Variants in PCDHGA9 observed in about 807,000 individuals in gnomAD.
PCDHGA9 encodes the protein protocadherin gamma-A9.
Under a neutral mutation model 62.5 loss-of-function variants are expected in PCDHGA9, and 37 were observed. The ratio of observed to expected loss-of-function variants is 0.59; its 90% CI spans 0.46 to 0.78. PCDHGA9 has a LOEUF of 0.78. PCDHGA9 is among the 30% of genes least tolerant of loss of function. The pLI, the probability that PCDHGA9 is intolerant of heterozygous loss-of-function variation, is 0.00. For missense variants in PCDHGA9, 1,138 were observed against 1,166.2 expected, an observed-to-expected ratio of 0.98 and a Z score of 0.35; for synonymous variants, 459 against 484.6, an observed-to-expected ratio of 0.95 and a Z score of 0.69.
In PCDHGA9 at chr5:141,432,785, G is replaced by A. The variant is rs1356593437; in HGVS notation, c.2424+27409G>A. 2.5e-6 allele frequency: 4 copies of A among 1,613,992 alleles called. No individual in the cohort carries two copies. The African/African-American group carries it at 4.0e-5, about 16-fold the overall frequency. On this transcript the variant is annotated intron_variant, in intron 1 of 3. Transcript: ENST00000573521. The surrounding 1 kb of genome is among the most constrained non-coding windows in gnomAD (Gnocchi z 6.0). ...CATCCCCCAAGTCCTGGCGGACCTC[G>A]GCAGCCTCGAGTCTCCAGCTAACTC...
intron 1 of PCDHGA9, chr5:141,433,288 G>A (rs2097582001): frequency 5.3e-6 from 6 of 1,136,424 alleles, no homozygotes; most frequent in Non-Finnish European, 7.5e-6. Flanking sequence ...CAAACTCCTA[G>A]GCTCAAGCAA....
rs1232672788 is a variant in PCDHGA9, at chr5:141,431,315, G to A, written c.2424+25939G>A. The A allele has an allele frequency of 6.2e-7, 1 of 1,614,080 alleles. No individual in the cohort carries two copies. Among genetic ancestry groups the A allele is most frequent in the South Asian group, 1.1e-5 (1 of 91,078 alleles). On this transcript the variant is annotated intron_variant, in intron 1 of 3. Coordinates refer to ENST00000573521, the MANE Select transcript of PCDHGA9 (RefSeq NM_018921.3). The surrounding 1 kb of genome is among the most constrained non-coding windows in gnomAD (Gnocchi z 4.8). ...CTTCTCCCTCATCGTGCAAAATGGAGCCGACGGTAGTAAGTACCCCGAATT... is the reference window on the plus strand; with the variant it reads ...CTTCTCCCTCATCGTGCAAAATGGAACCGACGGTAGTAAGTACCCCGAATT...
rs145025535 is a variant in PCDHGA9 at position 141,457,569 on chromosome 5, T to A, written c.2425-37238T>A. 2.5e-3 allele frequency among the ~76,000 whole-genome samples: 376 copies of A among 152,304 alleles called. 1 individual carries two copies. Among genetic ancestry groups the A allele is most frequent in the African/African-American group, 8.6e-3 (357 of 41,554 alleles). On this transcript the variant is annotated intron_variant, in intron 1 of 3. Transcript: ENST00000573521. Reference sequence around the variant, plus strand: ...TGTATGATAAGCTTTGGAGCAAAATTTTTCTCTCCAGTCCTCATTTTTGGT... The same window carrying A: ...TGTATGATAAGCTTTGGAGCAAAATATTTCTCTCCAGTCCTCATTTTTGGT...
In PCDHGA9 at chr5:141,476,240, G is replaced by A. The variant is rs762604058; in HGVS notation, c.2425-18567G>A. On this transcript the variant is annotated intron_variant, in intron 1 of 3. Coordinates refer to ENST00000573521, the MANE Select transcript of PCDHGA9 (RefSeq NM_018921.3). This position sits in a 1 kb window ranked among gnomAD's most constrained non-coding sequence, Gnocchi z 7.6. ...TCACTATGAGATCCCGGAGGAAAGAGAGAAGGGTTTCGCTGTGGGCAACGT... is the reference window on the plus strand; with the variant it reads ...TCACTATGAGATCCCGGAGGAAAGAAAGAAGGGTTTCGCTGTGGGCAACGT... The A allele has an allele frequency of 4.3e-6, 7 of 1,613,986 alleles. No individual in the cohort carries two copies. The highest frequency in any genetic ancestry group is 1.7e-6 in the Non-Finnish European group (2 of 1,180,030).
chr5:141,420,099 C>T (rs750814136), intron 1 of PCDHGA9: 4 of 1,613,996 alleles, frequency 2.5e-6, no homozygotes, highest in South Asian at 2.2e-5. Flanking sequence ...AGTGAGGGAA[C>T]GTTGCCCTAT....
Position 141,491,478 on chromosome 5 carries a change from C to A in PCDHGA9, c.2425-3329C>A. ...CCCCGGACTTCTATAAGCAGTCCAG[C>A]CCCAACCTGCAGGTGAGCTCGGACG... On this transcript the variant is annotated intron_variant, in intron 1 of 3. Coordinates refer to ENST00000573521, the MANE Select transcript of PCDHGA9 (RefSeq NM_018921.3). The surrounding 1 kb of genome is among the most constrained non-coding windows in gnomAD (Gnocchi z 6.9). 6.2e-7 allele frequency: 1 copy of A among 1,614,068 alleles called. No individual in the cohort carries two copies. Among genetic ancestry groups the A allele is most frequent in the Non-Finnish European group, 8.5e-7 (1 of 1,180,004 alleles).
intron 1 of PCDHGA9, among the ~76,000 whole-genome samples, chr5:141,457,415 C>T (rs185690067): frequency 3.9e-4 from 60 of 152,300 alleles, no homozygotes; most frequent in African/African-American, 1.3e-3. Flanking sequence ...CATTACCCAT[C>T]CCTTTTTCCC....
intron 1 of PCDHGA9, chr5:141,440,652 C>T (rs755275974): frequency 6.6e-6 from 1 of 152,160 alleles, no homozygotes; most frequent in Non-Finnish European, 1.5e-5. Flanking sequence ...AAAATTATCA[C>T]CTTAGCAGCA....
chr5:141,409,706 T>A, intron 1 of PCDHGA9: 1 of 1,613,210 alleles, frequency 6.2e-7, no homozygotes, highest in Non-Finnish European at 8.5e-7. Context: ...CCTGGCGGTG[T>A]CGTCATACGT....
chr5:141,504,496 G>C (rs2099838771), intron 2 of PCDHGA9, among the ~76,000 whole-genome samples: 1 of 152,100 alleles, frequency 6.6e-6, no homozygotes, highest in Non-Finnish European at 1.5e-5. Flanking sequence ...CACCTGCCCA[G>C]TCTGAGTGGA....
chr5:141,461,961 T>C (rs914134151), intron 1 of PCDHGA9, among the ~76,000 whole-genome samples: 3 of 152,192 alleles, frequency 2.0e-5, no homozygotes, highest in African/African-American at 7.2e-5. Context: ...GTAGCTGGGA[T>C]TCCAGGCATA....
In PCDHGA9 at chr5:141,431,024, A is replaced by G; in HGVS notation, c.2424+25648A>G. ...CAGCGGCAGCTTGGTCACGGCGGGCAGGATAGACCGGGAGGAGCTCTGTAT... is the reference window on the plus strand; with the variant it reads ...CAGCGGCAGCTTGGTCACGGCGGGCGGGATAGACCGGGAGGAGCTCTGTAT... On this transcript the variant is annotated intron_variant, in intron 1 of 3. Transcript: ENST00000573521. The surrounding 1 kb of genome is among the most constrained non-coding windows in gnomAD (Gnocchi z 4.8). 2.5e-6 allele frequency: 4 copies of G among 1,614,024 alleles called. No homozygotes were observed. The highest frequency in any genetic ancestry group is 3.4e-6 in the Non-Finnish European group (4 of 1,179,926).
At chr5:141,441,852 G>A in intron 1 of PCDHGA9, 1 of 352,826 alleles carries the variant, frequency 2.8e-6, no homozygotes, top group South Asian at 2.4e-5. Flanking sequence ...TGGATATGGT[G>A]CTGCACGCCG....
At chr5:141,410,005 C>T (rs1009148964) in intron 1 of PCDHGA9, 16 of 1,613,172 alleles carry the variant, frequency 9.9e-6, no homozygotes, top group Non-Finnish European at 1.3e-5. Context: ...CGGGACACAA[C>T]GCCTGGCTGT....
intron 1 of PCDHGA9, chr5:141,422,092 G>C: frequency 6.2e-7 from 1 of 1,611,520 alleles, no homozygotes; most frequent in Non-Finnish European, 8.5e-7. Flanking sequence ...GGAAAGCAAG[G>C]CTTCTGAAAT....
intron 2 of PCDHGA9, among the ~76,000 whole-genome samples, chr5:141,501,052 A>G (rs1007055288): frequency 6.6e-6 from 1 of 151,988 alleles, no homozygotes; most frequent in Non-Finnish European, 1.5e-5. Flanking sequence ...TATTTTTAGT[A>G]GAGACGGGGT....
intron 2 of PCDHGA9, among the ~76,000 whole-genome samples, chr5:141,499,780 G>A (rs776654854): frequency 1.4e-5 from 2 of 145,766 alleles, no homozygotes; most frequent in Non-Finnish European, 3.0e-5. Flanking sequence ...TTCGCCTCCC[G>A]GGTTCAAGCA....
chr5:141,507,196 CCAGAT>C (rs2099859095), intron 3 of PCDHGA9: 1 of 152,374 alleles, frequency 6.6e-6, no homozygotes, highest in Non-Finnish European at 1.5e-5. Context: ...CTTTATTCTT[CCAGAT>C]CAGGGTTGCC....
At chr5:141,421,325 G>T in intron 1 of PCDHGA9, 1 of 1,613,906 alleles carries the variant, frequency 6.2e-7, no homozygotes, top group Non-Finnish European at 8.5e-7. Flanking sequence ...AGGCAGATCC[G>T]ATATTCGGTG....
Sources: allele counts gnomAD v4.1 joint callset (sites outside exome capture counted in the v4.1 genomes callset), GRCh38; gene constraint gnomAD v4.1.1; non-coding constraint Gnocchi (gnomAD v3.1); transcripts MANE v1.5; gene names NCBI Gene and HGNC (gene_info 2026-07-23, HGNC 2026-07-21).